The following SHQ1 variants were observed in gnomAD, a reference collection of about 807,000 sequenced individuals.
SHQ1 encodes SHQ1, H/ACA ribonucleoprotein assembly factor, also known as protein SHQ1 homolog.
Under a neutral mutation model 53.8 loss-of-function variants are expected in SHQ1, and 49 were observed. That is an observed-to-expected ratio of 0.91 (90% CI 0.72 to 1.16). The LOEUF (loss-of-function observed/expected upper bound fraction) is 1.16. Ranked by LOEUF, SHQ1 falls within the 50% of genes most tolerant of loss-of-function variation. The pLI, the probability that SHQ1 is intolerant of heterozygous loss-of-function variation, is 0.00. For synonymous variants in SHQ1, 243 were observed against 251.0 expected (o/e 0.97, Z 0.30); for missense variants, 738 against 683.1 (o/e 1.08, Z -0.90).
At chr3:72,739,665 A>G in the SHQ1 span, among the ~76,000 whole-genome samples, 2 of 152,240 alleles carry the variant, frequency 1.3e-5, no homozygotes, top group African/African-American at 4.8e-5. Context: ...AGGCACACTC[A>G]GAGAGTAGCT....
At chr3:72,734,568 T>C in the SHQ1 span, among the ~76,000 whole-genome samples, 45 of 151,692 alleles carry the variant, frequency 3.0e-4, 1 homozygote, top group African/African-American at 1.1e-3. Context: ...CAGTAAGCCA[T>C]CATTAATAGT....
intron 7 of SHQ1, among the ~76,000 whole-genome samples, chr3:72,816,993 C>A (rs974706828): frequency 2.6e-5 from 4 of 152,160 alleles, no homozygotes; most frequent in African/African-American, 9.7e-5. Context: ...TTAAACTTCC[C>A]TACTCTGCTA....
intron 8 of SHQ1, among the ~76,000 whole-genome samples, chr3:72,813,059 C>A (rs770460702): frequency 2.0e-5 from 3 of 152,128 alleles, no homozygotes; most frequent in Non-Finnish European, 2.9e-5. Flanking sequence ...CTAAAGATTA[C>A]AAATAAGAAT....
At chr3:72,743,137 G>C in the SHQ1 span, among the ~76,000 whole-genome samples, 141 of 152,242 alleles carry the variant, frequency 9.3e-4, 1 homozygote, top group African/African-American at 2.6e-3. Context: ...TACCCTGTTT[G>C]GTTTTGTTTC....
At position 72,774,617 on chromosome 3, in the gene SHQ1, G is replaced by A. The variant is rs573905558; in HGVS notation, c.1181+18299C>T. Among the ~76,000 whole-genome samples the A allele has an allele frequency of 2.0e-5, 3 of 152,238 alleles. No individual in the cohort carries two copies. The South Asian group carries it at 6.2e-4, about 32-fold the overall frequency. Reference sequence around the variant, plus strand: ...AAAATATGTGGAATGAAACAGTAATGAAAATTCAGTACATTTCCAAACCTG... The same window carrying A: ...AAAATATGTGGAATGAAACAGTAATAAAAATTCAGTACATTTCCAAACCTG... On this transcript the variant is annotated intron_variant, in intron 10 of 10. Transcript: ENST00000325599.
chr3:72,836,619 C>A (rs1708006763), intron 4 of SHQ1, among the ~76,000 whole-genome samples: 1 of 152,066 alleles, frequency 6.6e-6, no homozygotes, highest in South Asian at 2.1e-4. Context: ...CAAGCCCCAC[C>A]CAGGCTTGTT....
intron 10 of SHQ1, among the ~76,000 whole-genome samples, chr3:72,786,400 G>T (rs1185588853): frequency 6.6e-6 from 1 of 152,140 alleles, no homozygotes; most frequent in Non-Finnish European, 1.5e-5. Context: ...TCTTTAGGTG[G>T]CCAAGCCTCT....
chr3:72,754,573 G>A (rs536574339), intron 10 of SHQ1, among the ~76,000 whole-genome samples: 2 of 152,144 alleles, frequency 1.3e-5, no homozygotes, highest in Non-Finnish European at 1.5e-5. Flanking sequence ...TAGAGACAGG[G>A]TTTTTCCATG....
intron 6 of SHQ1, among the ~76,000 whole-genome samples, chr3:72,823,083 AGCTT>A (rs1429580649): frequency 6.7e-6 from 1 of 149,370 alleles, no homozygotes; most frequent in African/African-American, 2.5e-5. Context: ...CGGGAGGCAG[AGCTT>A]GCAGTAAGCC....
chr3:72,732,368 G>GCCTT, the SHQ1 span, among the ~76,000 whole-genome samples: 9 of 124,970 alleles, frequency 7.2e-5, no homozygotes, highest in African/African-American at 3.0e-4. Flanking sequence ...CTGCCTGCCT[G>GCCTT]CCTGCCTGCC....
At chr3:72,780,957 C>A (rs1286252750) in intron 10 of SHQ1, among the ~76,000 whole-genome samples, 1 of 152,068 alleles carries the variant, frequency 6.6e-6, no homozygotes, top group Non-Finnish European at 1.5e-5. Context: ...GTGCCCACCA[C>A]TACACCCGGC....
intron 2 of SHQ1, among the ~76,000 whole-genome samples, chr3:72,842,616 A>T (rs1448300332): frequency 6.6e-6 from 1 of 152,160 alleles, no homozygotes. Context: ...TAAATAAATA[A>T]AATAGTCAAA....
chr3:72,732,298 C>T, the SHQ1 span, among the ~76,000 whole-genome samples: 2 of 150,846 alleles, frequency 1.3e-5, no homozygotes, highest in Admixed American at 6.6e-5. Context: ...ACCCAGCCAC[C>T]CCTAAAGCTC....
intron 5 of SHQ1, among the ~76,000 whole-genome samples, chr3:72,828,946 A>G (rs1473647642): frequency 6.6e-6 from 1 of 152,128 alleles, no homozygotes; most frequent in Non-Finnish European, 1.5e-5. Flanking sequence ...TGGTTGATGG[A>G]TCTGAAGAAG....
chr3:72,772,549 TG>T, intron 10 of SHQ1: 1 of 673,990 alleles, frequency 1.5e-6, no homozygotes, highest in Non-Finnish European at 2.8e-6. Context: ...CTTTAGAGCA[TG>T]GGAAGATTGG....
intron 4 of SHQ1, among the ~76,000 whole-genome samples, chr3:72,835,575 A>G (rs1707968485): frequency 6.6e-6 from 1 of 152,196 alleles, no homozygotes; most frequent in Non-Finnish European, 1.5e-5. Flanking sequence ...TCAGAGGGTA[A>G]ATGGACCGAC....
At chr3:72,751,500 G>GTA (rs1411876975) in intron 10 of SHQ1, among the ~76,000 whole-genome samples, 147 of 119,518 alleles carry the variant, frequency 1.2e-3, no homozygotes, top group African/African-American at 5.8e-3. Context: ...GTGTGTGTGT[G>GTA]TGTGTGTGTA....
the SHQ1 span, among the ~76,000 whole-genome samples, chr3:72,736,668 C>T: frequency 4.7e-5 from 7 of 147,904 alleles, no homozygotes; most frequent in Non-Finnish European, 8.9e-5. Context: ...TGGCAGGCAC[C>T]TGTAATCCCA....
chr3:72,744,299 C>T (rs192188216), downstream of SHQ1, among the ~76,000 whole-genome samples: 1 of 152,202 alleles, frequency 6.6e-6, no homozygotes, highest in Non-Finnish European at 1.5e-5. Context: ...ACTATGAACA[C>T]TTAAAATATG....
Sources: allele counts gnomAD v4.1 joint callset (sites outside exome capture counted in the v4.1 genomes callset), GRCh38; gene constraint gnomAD v4.1.1; transcripts MANE v1.5; gene names NCBI Gene and HGNC (gene_info 2026-07-23, HGNC 2026-07-21).